The following ABCA13 variants were observed in gnomAD, a reference collection of about 807,000 sequenced individuals.
ABCA13 encodes ATP-binding cassette sub-family A member 13.
In ABCA13, 476 loss-of-function variants were observed where a neutral mutation model predicts 478.7. The ratio of observed to expected loss-of-function variants is 0.99; its 90% CI spans 0.92 to 1.07. The LOEUF (loss-of-function observed/expected upper bound fraction) is 1.07, where lower values mean the gene tolerates loss of function less well. ABCA13 is among the 50% of genes least tolerant of loss of function. The pLI is 0.00. For missense variants in ABCA13, 6,060 were observed against 5,910.6 expected, an observed-to-expected ratio of 1.03 and a Z score of -0.83; for synonymous variants, 2,252 against 2,158.9, an observed-to-expected ratio of 1.04 and a Z score of -1.20.
chr7:48,459,952 A>G (rs555385372), intron 43 of ABCA13, among the ~76,000 whole-genome samples: 105 of 152,222 alleles, frequency 6.9e-4, no homozygotes, highest in Non-Finnish European at 1.1e-3. Context: ...TCACTGCATT[A>G]GAAAAACCCG....
intron 27 of ABCA13, among the ~76,000 whole-genome samples, chr7:48,320,577 A>G (rs1374376374): frequency 6.6e-6 from 1 of 152,202 alleles, no homozygotes; most frequent in Non-Finnish European, 1.5e-5. Flanking sequence ...AGTCGTGTTC[A>G]GTTTTGGCCC....
chr7:48,531,098 C>T (rs1238590550), intron 55 of ABCA13, among the ~76,000 whole-genome samples: 1 of 152,134 alleles, frequency 6.6e-6, no homozygotes, highest in African/African-American at 2.4e-5. Context: ...CCGATGTTAT[C>T]TTCTAGAATC....
intron 3 of ABCA13, among the ~76,000 whole-genome samples, chr7:48,204,303 G>A (rs932327227): frequency 9.2e-5 from 14 of 151,592 alleles, no homozygotes; most frequent in African/African-American, 3.1e-4. Context: ...TCCGCCTCCC[G>A]GGTTCAAGCG....
At position 48,480,721 on chromosome 7, in the gene ABCA13, G is replaced by A. The variant is rs1057295505; in HGVS notation, c.12976-315G>A. 3.3e-5 allele frequency among the ~76,000 whole-genome samples: 5 copies of A among 152,304 alleles called. No homozygotes were observed. In the East Asian group the frequency reaches 5.8e-4, roughly 18 times the overall value. ...TTGTTTCTGACTCTCTTTCAGGTTC[G>A]TCAAATGCAAGATCACCCCAGTGAA... On this transcript the variant is annotated intron_variant, in intron 45 of 61. Coordinates refer to ENST00000435803, the MANE Select transcript of ABCA13 (RefSeq NM_152701.5).
chr7:48,511,014 G>A, intron 50 of ABCA13, 70 bp from the exon 51 acceptor site: 1 of 1,254,308 alleles, frequency 8.0e-7, no homozygotes, highest in Non-Finnish European at 1.2e-6. Context: ...GAAACTTCAG[G>A]ATAAGTAGAT....
Position 48,206,277 on chromosome 7 carries a change from C to T in ABCA13, c.287+7917C>T, listed in dbSNP as rs993463640. ...GTCACATAGAATTATAATACCATATCTTAACTGTACTTTATAAATGTGTAG... is the reference window on the plus strand; with the variant it reads ...GTCACATAGAATTATAATACCATATTTTAACTGTACTTTATAAATGTGTAG... On this transcript the variant is annotated intron_variant, in intron 3 of 61. Transcript: ENST00000435803. Among the ~76,000 whole-genome samples, 17 of 152,190 alleles carry T rather than the reference C, an allele frequency of 1.1e-4. 1 individual carries two copies. Among genetic ancestry groups the T allele is most frequent in the Admixed American group, 9.2e-4 (14 of 15,276 alleles).
chr7:48,419,835 C>T (rs908604963), intron 41 of ABCA13, among the ~76,000 whole-genome samples: 1 of 152,162 alleles, frequency 6.6e-6, no homozygotes, highest in African/African-American at 2.4e-5. Context: ...AATTATCTCT[C>T]TAAGGGCAAC....
intron 57 of ABCA13, among the ~76,000 whole-genome samples, chr7:48,587,832 G>A (rs1440133182): frequency 6.6e-6 from 1 of 152,340 alleles, no homozygotes; most frequent in Non-Finnish European, 1.5e-5. Flanking sequence ...ATGAATCAAA[G>A]CATTAATTGG....
At chr7:48,604,166 T>A (rs1006965116) in intron 58 of ABCA13, among the ~76,000 whole-genome samples, 4 of 152,098 alleles carry the variant, frequency 2.6e-5, no homozygotes, top group African/African-American at 7.2e-5. Flanking sequence ...ATTTTGTTGA[T>A]CTTTTCAAAA....
At chr7:48,182,017 C>T (rs1795759052) in intron 1 of ABCA13, among the ~76,000 whole-genome samples, 1 of 152,098 alleles carries the variant, frequency 6.6e-6, no homozygotes, top group Non-Finnish European at 1.5e-5. Flanking sequence ...GTATGGAGCA[C>T]TTGATGTCCT....
At chr7:48,483,196 A>G in intron 47 of ABCA13, 33 bp downstream of exon 47, 1 of 1,556,868 alleles carries the variant, frequency 6.4e-7, no homozygotes. Flanking sequence ...TTCCTGTTTT[A>G]GAAAGTATTT....
At chr7:48,528,726 G>C (rs1331424832) in intron 55 of ABCA13, among the ~76,000 whole-genome samples, 1 of 152,144 alleles carries the variant, frequency 6.6e-6, no homozygotes, top group Non-Finnish European at 1.5e-5. Context: ...ATCAGCCTAA[G>C]TGGCCAGATG....
chr7:48,466,345 T>C (rs891228657), intron 43 of ABCA13, among the ~76,000 whole-genome samples: 2 of 152,230 alleles, frequency 1.3e-5, no homozygotes, highest in African/African-American at 4.8e-5. Context: ...CTTTCAGTAA[T>C]GCTGCTTGAA....
chr7:48,388,480 G>A lies in ABCA13; in HGVS notation c.11473+521G>A, dbSNP rs118129268. On this transcript the variant is annotated intron_variant, in intron 36 of 61. Transcript: ENST00000435803. ...CCTCTGCACTCCAGAGTCATGGCCT[G>A]TTCCTGCAGGTGCAGGCACAGGGCA... Among the ~76,000 whole-genome samples the A allele has an allele frequency of 2.2e-4, 33 of 152,322 alleles. No homozygotes were observed. The East Asian group carries it at 6.2e-3, about 29-fold the overall frequency.
chr7:48,302,966 G>A (rs1800360878), intron 23 of ABCA13, among the ~76,000 whole-genome samples: 1 of 152,140 alleles, frequency 6.6e-6, no homozygotes, highest in African/African-American at 2.4e-5. Flanking sequence ...GTGTATAAAT[G>A]TTCCCTTTTC....
At chr7:48,367,373 A>G (rs531497227) in intron 31 of ABCA13, among the ~76,000 whole-genome samples, 62 of 152,278 alleles carry the variant, frequency 4.1e-4, no homozygotes, top group Non-Finnish European at 8.1e-4. Flanking sequence ...AATAGAAAGG[A>G]AGACTTTCAT....
intron 5 of ABCA13, among the ~76,000 whole-genome samples, chr7:48,224,151 A>T (rs1787807155): frequency 6.6e-6 from 1 of 152,120 alleles, no homozygotes; most frequent in Admixed American, 6.5e-5. Context: ...TAAGATGGAC[A>T]GTTCCCCGAG....
At chr7:48,417,687 A>C (rs1820212653) in intron 41 of ABCA13, among the ~76,000 whole-genome samples, 1 of 152,090 alleles carries the variant, frequency 6.6e-6, no homozygotes, top group Non-Finnish European at 1.5e-5. Context: ...ACATGGACAC[A>C]TCACCATCCA....
In ABCA13 at chr7:48,449,282, T is replaced by A. The variant is rs55734752; in HGVS notation, c.12566-5755T>A. Among the ~76,000 whole-genome samples, 61 of 152,086 alleles carry A rather than the reference T, an allele frequency of 4.0e-4. 1 individual carries two copies. The highest frequency in any genetic ancestry group is 1.4e-3 in the African/African-American group (57 of 41,498). On this transcript the variant is annotated intron_variant, in intron 42 of 61. Coordinates refer to ENST00000435803, the MANE Select transcript of ABCA13 (RefSeq NM_152701.5). ...TCTCTCTATTCCCTTTCCTATTTCC[T>A]CTCTCCTTCCTTCCTTCCTTTTTCT...
Sources: allele counts gnomAD v4.1 joint callset (sites outside exome capture counted in the v4.1 genomes callset), GRCh38; gene constraint gnomAD v4.1.1; transcripts MANE v1.5; gene names NCBI Gene and HGNC (gene_info 2026-07-23, HGNC 2026-07-21).